Variants in GRIA4 observed in about 807,000 individuals in gnomAD.
GRIA4 encodes glutamate ionotropic receptor AMPA type subunit 4, also known as glutamate receptor 4.
Under a neutral mutation model 104.0 loss-of-function variants are expected in GRIA4, and 34 were observed. That is an observed-to-expected ratio of 0.33 (90% CI 0.25 to 0.44). GRIA4 has a LOEUF of 0.44. GRIA4 is among the 20% of genes least tolerant of loss of function. GRIA4 has a pLI of 1.00. For missense variants in GRIA4, 750 were observed against 1,096.5 expected, an observed-to-expected ratio of 0.68 and a Z score of 4.46; for synonymous variants, 386 against 381.9, an observed-to-expected ratio of 1.01 and a Z score of -0.13.
At chr11:105,708,068 C>T (rs971467293) in intron 3 of GRIA4, 3 of 152,152 alleles carry the variant, frequency 2.0e-5, no homozygotes, top group African/African-American at 7.2e-5. Context: ...TTAAGAAAAT[C>T]ACTGTAACCA....
chr11:105,974,577 A>G (rs1306448210), intron 16 of GRIA4, 133 bp downstream of exon 16: 4 of 1,606,406 alleles, frequency 2.5e-6, no homozygotes, highest in East Asian at 4.5e-5. Flanking sequence ...AGGCCCGACT[A>G]CAGTGAGTGG....
chr11:105,913,953 T>C (rs746685445), intron 10 of GRIA4, among the ~76,000 whole-genome samples: 1 of 152,018 alleles, frequency 6.6e-6, no homozygotes, highest in Non-Finnish European at 1.5e-5. Context: ...TTTGTACTTT[T>C]TATAAGATGT....
At chr11:105,885,707 C>T (rs778678448) in intron 5 of GRIA4, among the ~76,000 whole-genome samples, 4 of 152,224 alleles carry the variant, frequency 2.6e-5, no homozygotes, top group Non-Finnish European at 5.9e-5. Context: ...CTGCCTTGGC[C>T]TAGGCTTAGT....
intron 5 of GRIA4, among the ~76,000 whole-genome samples, chr11:105,871,980 A>C (rs1020810423): frequency 2.6e-5 from 4 of 152,110 alleles, no homozygotes; most frequent in Non-Finnish European, 5.9e-5. Flanking sequence ...ATAAAGTCAG[A>C]AATGTATGTG....
intron 3 of GRIA4, among the ~76,000 whole-genome samples, chr11:105,722,618 A>T (rs1937901092): frequency 6.6e-6 from 1 of 152,110 alleles, no homozygotes. Flanking sequence ...TCTCATCATA[A>T]CTTTACTGAT....
chr11:105,742,132 A>C (rs116936623), intron 3 of GRIA4, among the ~76,000 whole-genome samples: 29 of 152,282 alleles, frequency 1.9e-4, no homozygotes, highest in Non-Finnish European at 4.0e-4. Context: ...AAATAAGCCT[A>C]GTTCCTTATC....
intron 1 of GRIA4, 38 bp from the exon 2 acceptor site, chr11:105,610,870 C>CTTTTTTTTTTTTTTTTTTTTTTGTTTTT (rs55973528): frequency 3.0e-6 from 1 of 330,398 alleles, no homozygotes. Flanking sequence ...TCTTTCTTTT[C>CTTTTTTTTTTTTTTTTTTTTTTGTTTTT]TTTTTTTTTT....
At chr11:105,934,053 T>C in intron 14 of GRIA4, 84 bp downstream of exon 14, 7 of 1,166,174 alleles carry the variant, frequency 6.0e-6, no homozygotes, top group Middle Eastern at 2.2e-4. Flanking sequence ...TATTTTGTTT[T>C]GTGTGTGAAC....
chr11:105,838,517 T>G (rs565854544), intron 4 of GRIA4, among the ~76,000 whole-genome samples: 1 of 152,354 alleles, frequency 6.6e-6, no homozygotes, highest in African/African-American at 2.4e-5. Context: ...CAGATAATAT[T>G]ACTATATTTG....
At chr11:105,708,588 T>C (rs986531911) in intron 3 of GRIA4, among the ~76,000 whole-genome samples, 1 of 152,102 alleles carries the variant, frequency 6.6e-6, no homozygotes, top group Non-Finnish European at 1.5e-5. Context: ...TTTGATATTT[T>C]GATTGGTTAC....
intron 3 of GRIA4, among the ~76,000 whole-genome samples, chr11:105,646,682 G>A (rs367619816): frequency 6.6e-6 from 1 of 152,178 alleles, no homozygotes; most frequent in Admixed American, 6.5e-5. Flanking sequence ...ACAAATATAA[G>A]CAATGAGGAA....
At chr11:105,745,291 C>A (rs1258426582) in intron 3 of GRIA4, among the ~76,000 whole-genome samples, 2 of 152,050 alleles carry the variant, frequency 1.3e-5, no homozygotes, top group Non-Finnish European at 2.9e-5. Flanking sequence ...GTTTTTAAAT[C>A]TTCTGTCTAA....
chr11:105,819,920 G>T (rs895779679), intron 4 of GRIA4, among the ~76,000 whole-genome samples: 2 of 152,078 alleles, frequency 1.3e-5, no homozygotes, highest in Non-Finnish European at 2.9e-5. Context: ...AACCCAGTGT[G>T]ACTAGTATCC....
chr11:105,940,364 C>T (rs1288489900), intron 14 of GRIA4, among the ~76,000 whole-genome samples: 1 of 151,940 alleles, frequency 6.6e-6, no homozygotes, highest in South Asian at 2.1e-4. Context: ...GCCTGAGCAA[C>T]AGAGAAAGAC....
intron 3 of GRIA4, among the ~76,000 whole-genome samples, chr11:105,716,919 C>T (rs1954111627): frequency 6.6e-6 from 1 of 152,044 alleles, no homozygotes; most frequent in South Asian, 2.1e-4. Flanking sequence ...CGTTTTACAA[C>T]TTGATAGGCA....
intron 3 of GRIA4, among the ~76,000 whole-genome samples, chr11:105,690,107 T>G (rs998663902): frequency 7.2e-5 from 11 of 152,170 alleles, no homozygotes; most frequent in African/African-American, 2.7e-4. Flanking sequence ...CTTACATCTT[T>G]TTTTTCTTCA....
chr11:105,960,050 G>T (rs780190614), intron 14 of GRIA4, among the ~76,000 whole-genome samples: 2 of 152,204 alleles, frequency 1.3e-5, no homozygotes, highest in Non-Finnish European at 2.9e-5. Flanking sequence ...TCGCTCTGGC[G>T]ATAGGGTGTC....
Position 105,610,890 on chromosome 11 carries a change from GGTTGAT to G in GRIA4, c.-90-17_-90-12del. The G allele has an allele frequency of 4.8e-6, 1 of 207,232 alleles. No homozygotes were observed. The allele number at this position is 207,232 out of a possible 1,614,324, so 12.8% of individuals were successfully genotyped here. Reference sequence around the variant, plus strand: ...CTTTTCTTTTTTTTTTTTTTTTTTTGGTTGATTTTAATTTTAGCGCCATCGTCTTCA... The same window carrying G: ...CTTTTCTTTTTTTTTTTTTTTTTTTGTTTAATTTTAGCGCCATCGTCTTCA... On this transcript the variant is annotated splice_polypyrimidine_tract_variant and intron_variant, in intron 1 of 16. Coordinates refer to ENST00000282499, the MANE Select transcript of GRIA4 (RefSeq NM_000829.4).
intron 3 of GRIA4, among the ~76,000 whole-genome samples, chr11:105,697,905 C>A (rs1310819243): frequency 6.6e-6 from 1 of 152,132 alleles, no homozygotes; most frequent in Non-Finnish European, 1.5e-5. Context: ...CTTTCATCAG[C>A]TTTTCAAAGG....
Sources: gnomAD v4.1 joint callset for allele counts (sites outside exome capture counted in the v4.1 genomes callset) on GRCh38, gnomAD v4.1.1 for gene constraint, MANE v1.5 for transcripts, NCBI Gene and HGNC (gene_info 2026-07-23, HGNC 2026-07-21) for gene names.